Variants in CDH18 observed in about 807,000 individuals in gnomAD.
CDH18 encodes the protein cadherin-18.
CDH18 carries 31 observed loss-of-function variants against 67.9 expected under a neutral mutation model. The observed-to-expected ratio is 0.46, with a 90% confidence interval of 0.34 to 0.62. CDH18 has a LOEUF of 0.62. Among genes scored for constraint, CDH18 ranks in the 20% least tolerant of loss-of-function variants. The pLI is 0.01. For synonymous variants in CDH18, 362 were observed against 347.2 expected, an observed-to-expected ratio of 1.04 and a Z score of -0.48; for missense variants, 890 against 975.5, an observed-to-expected ratio of 0.91 and a Z score of 1.17.
At chr5:19,775,502 G>C (rs1031705394) in intron 3 of CDH18, among the ~76,000 whole-genome samples, 1 of 151,978 alleles carries the variant, frequency 6.6e-6, no homozygotes, top group Non-Finnish European at 1.5e-5. Context: ...GGCAGGAGCA[G>C]ACACCTCACA....
chr5:19,826,247 A>T (rs1227419868), intron 3 of CDH18, among the ~76,000 whole-genome samples: 1 of 152,200 alleles, frequency 6.6e-6, no homozygotes, highest in East Asian at 1.9e-4. Context: ...GACCAAATCT[A>T]TGACTCAGTG....
At chr5:20,022,248 C>T (rs1738493638) in intron 2 of CDH18, among the ~76,000 whole-genome samples, 1 of 152,162 alleles carries the variant, frequency 6.6e-6, no homozygotes, top group Non-Finnish European at 1.5e-5. Flanking sequence ...AATACAGGTA[C>T]TTCGTGGTCT....
chr5:20,319,842 A>G (rs1737832787), intron 1 of CDH18, among the ~76,000 whole-genome samples: 1 of 152,188 alleles, frequency 6.6e-6, no homozygotes, highest in African/African-American at 2.4e-5. Context: ...TTCTGGGGAG[A>G]GTCACTGTAT....
chr5:19,839,239 C>A lies in CDH18; in HGVS notation c.-253G>T, dbSNP rs954161472. 4.5e-6 allele frequency: 2 copies of A among 443,954 alleles called. No individual in the cohort carries two copies. The highest frequency in any genetic ancestry group is 8.1e-6 in the Non-Finnish European group (2 of 245,990). The allele number at this position is 443,954 out of a possible 1,614,324, so 27.5% of individuals were successfully genotyped here. On this transcript the variant is annotated 5_prime_UTR_variant, in exon 3 of 13. Coordinates refer to ENST00000382275, the MANE Select transcript of CDH18 (RefSeq NM_004934.5). ...GTAGTTGAACACAAGCAACCATTTT[C>A]AACCTAATGGAAAGAGAAAATTATA...
intron 5 of CDH18, among the ~76,000 whole-genome samples, chr5:19,623,862 TTGA>T (rs66510403): frequency 0.56 from 83,892 of 150,242 alleles, 26,430 homozygotes; most frequent in South Asian, 0.75. Context: ...TAACTGAACA[TTGA>T]TGATTTCTCC....
intron 12 of CDH18, among the ~76,000 whole-genome samples, chr5:19,482,977 G>A (rs1309513194): frequency 1.3e-5 from 2 of 152,032 alleles, no homozygotes; most frequent in Non-Finnish European, 2.9e-5. Flanking sequence ...TTAGAATGAT[G>A]CCGCTTAGAT....
At chr5:20,240,890 T>G (rs2126544651) in intron 2 of CDH18, among the ~76,000 whole-genome samples, 1 of 152,296 alleles carries the variant, frequency 6.6e-6, no homozygotes, top group Non-Finnish European at 1.5e-5. Context: ...GAGAAATGTA[T>G]TCTGAAAAAG....
At chr5:19,634,937 CA>C (rs11343866) in intron 5 of CDH18, among the ~76,000 whole-genome samples, 89,483 of 125,654 alleles carry the variant, frequency 0.71, 29,895 homozygotes, top group South Asian at 0.79. Context: ...AACTGCATCT[CA>C]AAAAAAAAAA....
At chr5:20,388,657 T>C (rs1744533171) in intron 1 of CDH18, among the ~76,000 whole-genome samples, 1 of 152,206 alleles carries the variant, frequency 6.6e-6, no homozygotes, top group Non-Finnish European at 1.5e-5. Flanking sequence ...TTAATTGTGA[T>C]GTTAGGGTGT....
chr5:20,244,962 A>G (rs897231977), intron 2 of CDH18, among the ~76,000 whole-genome samples: 2 of 152,126 alleles, frequency 1.3e-5, no homozygotes, highest in African/African-American at 4.8e-5. Flanking sequence ...GCAAAAAATA[A>G]TAGTTCACAA....
intron 2 of CDH18, among the ~76,000 whole-genome samples, chr5:19,914,857 T>A (rs576127588): frequency 7.2e-5 from 11 of 152,078 alleles, no homozygotes; most frequent in African/African-American, 2.4e-4. Flanking sequence ...ACAAAAAAAA[T>A]TTCTCCCCCA....
At chr5:20,195,831 C>A (rs764459745) in intron 2 of CDH18, among the ~76,000 whole-genome samples, 4 of 151,956 alleles carry the variant, frequency 2.6e-5, no homozygotes, top group Non-Finnish European at 4.4e-5. Context: ...TATCATGGGG[C>A]TTTTGTAAAT....
At chr5:20,130,907 T>C (rs1749214108) in intron 2 of CDH18, among the ~76,000 whole-genome samples, 3 of 151,404 alleles carry the variant, frequency 2.0e-5, no homozygotes, top group Admixed American at 1.3e-4. Context: ...TCCCTTTACT[T>C]CTTGAGATAA....
At chr5:19,980,794 G>A (rs1043693137) in intron 2 of CDH18, among the ~76,000 whole-genome samples, 2 of 152,070 alleles carry the variant, frequency 1.3e-5, no homozygotes, top group Non-Finnish European at 2.9e-5. Context: ...GTATTCCATT[G>A]ACTGCATTTT....
At chr5:20,256,802 G>T (rs1744266987) in intron 1 of CDH18, among the ~76,000 whole-genome samples, 1 of 151,978 alleles carries the variant, frequency 6.6e-6, no homozygotes, top group African/African-American at 2.4e-5. Context: ...AGCTAGGAAT[G>T]AAATTTAAGG....
At chr5:20,210,460 T>C (rs1446155778) in intron 2 of CDH18, among the ~76,000 whole-genome samples, 2 of 152,042 alleles carry the variant, frequency 1.3e-5, no homozygotes, top group African/African-American at 4.8e-5. Context: ...ACAAGAATTT[T>C]ATTTGTTGTA....
At chr5:20,400,121 G>T in intron 1 of CDH18, among the ~76,000 whole-genome samples, 1 of 152,184 alleles carries the variant, frequency 6.6e-6, no homozygotes, top group South Asian at 2.1e-4. Context: ...TAATAATATC[G>T]ACTCATCTAC....
At chr5:20,073,207 G>C (rs1263816692) in intron 2 of CDH18, among the ~76,000 whole-genome samples, 1 of 151,900 alleles carries the variant, frequency 6.6e-6, no homozygotes, top group African/African-American at 2.4e-5. Flanking sequence ...TTTGCTAATT[G>C]CAAAACCTAA....
chr5:19,527,726 C>G (rs1009976657), intron 9 of CDH18, among the ~76,000 whole-genome samples: 1 of 151,606 alleles, frequency 6.6e-6, no homozygotes, highest in Non-Finnish European at 1.5e-5. Flanking sequence ...AAAACTTATC[C>G]CATATATTTA....
Sources: gnomAD v4.1 joint callset for allele counts (sites outside exome capture counted in the v4.1 genomes callset) on GRCh38, gnomAD v4.1.1 for gene constraint, MANE v1.5 for transcripts, NCBI Gene and HGNC (gene_info 2026-07-23, HGNC 2026-07-21) for gene names.